GRID1: variants seen among roughly 807,000 people sequenced by gnomAD.
GRID1 encodes the protein glutamate ionotropic receptor delta type subunit 1, also known as glutamate receptor ionotropic, delta-1.
A neutral mutation model predicts 98.0 loss-of-function variants in GRID1; 28 were observed. That is an observed-to-expected ratio of 0.29 (90% CI 0.21 to 0.39). GRID1 has a LOEUF of 0.39. Ranked by LOEUF, GRID1 falls within the 10% of genes least tolerant of loss-of-function variation. The pLI, the probability that GRID1 is intolerant of heterozygous loss-of-function variation, is 1.00. For synonymous variants in GRID1, 553 were observed against 538.5 expected, an observed-to-expected ratio of 1.03 and a Z score of -0.37; for missense variants, 1,111 against 1,340.5, an observed-to-expected ratio of 0.83 and a Z score of 2.67.
intron 4 of GRID1, among the ~76,000 whole-genome samples, chr10:86,087,166 A>G (rs1399250707): frequency 2.0e-5 from 3 of 152,062 alleles, no homozygotes; most frequent in African/African-American, 4.8e-5. Flanking sequence ...CACACTTCCC[A>G]TCTGGGTCTT....
chr10:85,682,857 G>A (rs551495193), intron 12 of GRID1, among the ~76,000 whole-genome samples: 1 of 152,296 alleles, frequency 6.6e-6, no homozygotes, highest in South Asian at 2.1e-4. Context: ...TGCCTGTTGT[G>A]AGAATCCTCT....
chr10:86,366,524 C>T lies in GRID1; in HGVS notation c.-132G>A. 1 of 408,004 alleles carries T rather than the reference C, an allele frequency of 2.5e-6. No homozygotes were observed. Among genetic ancestry groups the T allele is most frequent in the Non-Finnish European group, 3.9e-6 (1 of 256,344 alleles). 25.3% of individuals were successfully genotyped at this position (408,004 alleles called of 1,614,324 possible). ...AGCCGAGCCCGCCCGTGCGTCTTCC[C>T]CCGCGCGCCCGCCCCTGCGCCCTGC... On this transcript the variant is annotated 5_prime_UTR_variant, in exon 1 of 16. Coordinates refer to ENST00000327946, the MANE Select transcript of GRID1 (RefSeq NM_017551.3). The surrounding 1 kb of genome is among the most constrained non-coding windows in gnomAD (Gnocchi z 4.1).
chr10:85,918,592 A>G (rs892234314), intron 4 of GRID1, among the ~76,000 whole-genome samples: 1 of 152,226 alleles, frequency 6.6e-6, no homozygotes, highest in Non-Finnish European at 1.5e-5. Context: ...GGATGCTTAC[A>G]GGTGGGACAA....
chr10:86,080,730 G>T (rs1843965675), intron 4 of GRID1, among the ~76,000 whole-genome samples: 1 of 152,024 alleles, frequency 6.6e-6, no homozygotes, highest in Non-Finnish European at 1.5e-5. Context: ...GAAAACTGGG[G>T]GGATTAGGCA....
At chr10:86,349,216 G>T (rs947162319) in intron 2 of GRID1, among the ~76,000 whole-genome samples, 8 of 152,212 alleles carry the variant, frequency 5.3e-5, no homozygotes, top group Admixed American at 2.6e-4. Context: ...CAGTGGCCAG[G>T]ACCATGTCAG....
chr10:86,235,691 A>G (rs1221256480), intron 2 of GRID1, among the ~76,000 whole-genome samples: 2 of 152,174 alleles, frequency 1.3e-5, no homozygotes, highest in Non-Finnish European at 2.9e-5. Flanking sequence ...TAATGTTTTG[A>G]GGTTCATCCA....
At position 86,133,423 on chromosome 10, in the gene GRID1, C is replaced by T. The variant is rs190872446; in HGVS notation, c.726+5396G>A. ...CACGCTGATCTCTCTGCACCCCACA[C>T]TCCACTGCCATGTGCCACAGCTGGG... On this transcript the variant is annotated intron_variant, in intron 4 of 15. Transcript: ENST00000327946. 3.9e-5 allele frequency among the ~76,000 whole-genome samples: 6 copies of T among 152,378 alleles called. No individual in the cohort carries two copies. In the East Asian group the frequency reaches 1.2e-3, roughly 29 times the overall value.
chr10:85,726,580 T>C (rs562829784), intron 10 of GRID1, among the ~76,000 whole-genome samples: 1 of 152,062 alleles, frequency 6.6e-6, no homozygotes, highest in African/African-American at 2.4e-5. Context: ...TGGCCACCCA[T>C]AGAGGACGCA....
intron 4 of GRID1, among the ~76,000 whole-genome samples, chr10:86,065,771 T>A (rs1201228502): frequency 3.9e-5 from 6 of 152,212 alleles, no homozygotes; most frequent in Non-Finnish European, 5.9e-5. Context: ...ATGGTGACAA[T>A]CAAATGCTTG....
At chr10:86,222,748 C>T (rs1260813713) in intron 2 of GRID1, among the ~76,000 whole-genome samples, 2 of 152,176 alleles carry the variant, frequency 1.3e-5, no homozygotes, top group African/African-American at 2.4e-5. Context: ...ATGCCATTCC[C>T]CAAGTTGGAG....
At chr10:86,211,339 G>T (rs148761485) in intron 2 of GRID1, among the ~76,000 whole-genome samples, 121 of 152,272 alleles carry the variant, frequency 7.9e-4, no homozygotes, top group African/African-American at 2.8e-3. Context: ...GACTGATAAG[G>T]GCCCCCTGAG....
intron 3 of GRID1, among the ~76,000 whole-genome samples, chr10:86,185,717 G>GTTGTTTTTTAAGTTTTA (rs1845717332): frequency 6.6e-6 from 1 of 152,124 alleles, no homozygotes; most frequent in Non-Finnish European, 1.5e-5. Flanking sequence ...ATAATCATAC[G>GTTGTTTTTTAAGTTTTA]TGTTTTCTTT....
At chr10:85,891,344 A>G (rs567307780) in intron 5 of GRID1, among the ~76,000 whole-genome samples, 5 of 152,306 alleles carry the variant, frequency 3.3e-5, no homozygotes, top group Admixed American at 1.3e-4. Flanking sequence ...TGGAGTTTAT[A>G]GCCCTGTATT....
At chr10:86,362,551 G>A (rs1848613953) in intron 2 of GRID1, among the ~76,000 whole-genome samples, 1 of 152,112 alleles carries the variant, frequency 6.6e-6, no homozygotes, top group African/African-American at 2.4e-5. Flanking sequence ...TGGGACTCCC[G>A]GTTTGTAAAA....
At chr10:86,083,532 C>T (rs548110224) in intron 4 of GRID1, among the ~76,000 whole-genome samples, 5 of 152,314 alleles carry the variant, frequency 3.3e-5, no homozygotes, top group African/African-American at 9.6e-5. Context: ...GTTTCAGAAG[C>T]GGACATTGCA....
intron 4 of GRID1, among the ~76,000 whole-genome samples, chr10:85,976,601 C>T (rs544755531): frequency 6.6e-6 from 1 of 152,354 alleles, no homozygotes; most frequent in East Asian, 1.9e-4. Flanking sequence ...CCCTTGCCCC[C>T]GTGGCATCCA....
intron 2 of GRID1, among the ~76,000 whole-genome samples, chr10:86,291,451 C>T (rs545527649): frequency 5.9e-5 from 9 of 152,226 alleles, no homozygotes; most frequent in Middle Eastern, 3.4e-3. Context: ...TCCCCAACCC[C>T]GGGCAGTACC....
intron 8 of GRID1, among the ~76,000 whole-genome samples, chr10:85,836,832 G>C (rs923199279): frequency 7.0e-6 from 1 of 142,294 alleles, no homozygotes; most frequent in African/African-American, 2.5e-5. Context: ...GCATCACCAT[G>C]CCTGCTTATA....
chr10:86,018,783 G>A (rs546430176), intron 4 of GRID1, among the ~76,000 whole-genome samples: 21 of 152,356 alleles, frequency 1.4e-4, no homozygotes, highest in African/African-American at 5.1e-4. Context: ...CAAAGGCTGT[G>A]TGGCAGGAGG....
Sources: gnomAD v4.1 joint callset for allele counts (sites outside exome capture counted in the v4.1 genomes callset) on GRCh38, gnomAD v4.1.1 for gene constraint, Gnocchi (gnomAD v3.1) non-coding constraint, MANE v1.5 for transcripts, NCBI Gene and HGNC (gene_info 2026-07-23, HGNC 2026-07-21) for gene names.